TENM4: variants seen among roughly 807,000 people sequenced by gnomAD.
TENM4 encodes teneurin-4.
TENM4 carries 82 observed loss-of-function variants against 243.3 expected under a neutral mutation model. The observed-to-expected ratio is 0.34, with a 90% CI of 0.28 to 0.40. The LOEUF (loss-of-function observed/expected upper bound fraction) is 0.40. Among genes scored for constraint, TENM4 ranks in the 10% least tolerant of loss-of-function variants. TENM4 has a pLI of 1.00. For missense variants in TENM4, 3,138 were observed against 3,673.3 expected (o/e 0.85, Z 3.77); for synonymous variants, 1,412 against 1,456.3 (o/e 0.97, Z 0.69).
chr11:78,676,773 G>A (rs556916455), intron 29 of TENM4, among the ~76,000 whole-genome samples: 12 of 151,924 alleles, frequency 7.9e-5, no homozygotes, highest in African/African-American at 2.9e-4. Flanking sequence ...AATACTTTAA[G>A]TTATTTAACC....
chr11:78,666,066 G>A (rs530449793), intron 32 of TENM4, among the ~76,000 whole-genome samples: 87 of 151,602 alleles, frequency 5.7e-4, no homozygotes, highest in Non-Finnish European at 1.0e-3. Context: ...TTTTTTTGTT[G>A]TTGTTGCTGG....
At chr11:79,361,882 G>C (rs1857595555) in intron 1 of TENM4, among the ~76,000 whole-genome samples, 2 of 152,134 alleles carry the variant, frequency 1.3e-5, no homozygotes, top group East Asian at 3.9e-4. Flanking sequence ...GGACAATTTG[G>C]TTAGTCACGT....
At chr11:78,931,136 A>T (rs1291840536) in intron 6 of TENM4, among the ~76,000 whole-genome samples, 1 of 152,194 alleles carries the variant, frequency 6.6e-6, no homozygotes, top group Non-Finnish European at 1.5e-5. Flanking sequence ...TGAGCAGCCA[A>T]AAAGGTGCCA....
intron 2 of TENM4, among the ~76,000 whole-genome samples, chr11:79,257,293 T>TA (rs879355074): frequency 1.3e-5 from 2 of 151,744 alleles, no homozygotes; most frequent in African/African-American, 4.8e-5. Flanking sequence ...CTTAAAGAAT[T>TA]AAAAAAAAAT....
At chr11:79,003,902 A>C (rs1858402996) in intron 6 of TENM4, among the ~76,000 whole-genome samples, 1 of 152,030 alleles carries the variant, frequency 6.6e-6, no homozygotes. Context: ...CTCACATGCT[A>C]TGGCACCCAC....
intron 6 of TENM4, among the ~76,000 whole-genome samples, chr11:79,053,192 G>A (rs1591244042): frequency 2.0e-5 from 3 of 152,156 alleles, no homozygotes; most frequent in Admixed American, 1.3e-4. Context: ...TGGCAGAGGC[G>A]GGACTTGAGG....
chr11:79,315,404 G>A (rs532975601), intron 1 of TENM4, among the ~76,000 whole-genome samples: 75 of 152,326 alleles, frequency 4.9e-4, no homozygotes, highest in Non-Finnish European at 8.2e-4. Context: ...CCCCTGGAAA[G>A]TTCCTTTGCT....
chr11:78,836,576 C>T (rs1253873092), intron 12 of TENM4, among the ~76,000 whole-genome samples: 1 of 152,182 alleles, frequency 6.6e-6, no homozygotes, highest in African/African-American at 2.4e-5. Flanking sequence ...AACTCTGTTA[C>T]ACAGAAAATT....
At chr11:79,061,308 A>G (rs1860079450) in intron 6 of TENM4, among the ~76,000 whole-genome samples, 1 of 152,138 alleles carries the variant, frequency 6.6e-6, no homozygotes, top group South Asian at 2.1e-4. Context: ...TTGGGCACCT[A>G]TGGGGAGTCT....
chr11:79,295,896 AACAC>A (rs199711050), intron 2 of TENM4, among the ~76,000 whole-genome samples: 186 of 130,912 alleles, frequency 1.4e-3, no homozygotes, highest in South Asian at 6.3e-3. Flanking sequence ...CCAGGGATTA[AACAC>A]ACACACACAC....
chr11:79,272,835 T>A (rs1188962194), intron 2 of TENM4, among the ~76,000 whole-genome samples: 1 of 152,314 alleles, frequency 6.6e-6, no homozygotes, highest in East Asian at 1.9e-4. Flanking sequence ...TGTAATTGCT[T>A]GGGTTTCTTG....
At chr11:79,343,466 T>C (rs1247453660) in intron 1 of TENM4, among the ~76,000 whole-genome samples, 1 of 151,910 alleles carries the variant, frequency 6.6e-6, no homozygotes, top group Admixed American at 6.5e-5. Flanking sequence ...AAAATGGGTA[T>C]GACAAAAAAA....
chr11:78,788,293 G>A (rs1856981130), intron 15 of TENM4, among the ~76,000 whole-genome samples: 1 of 152,198 alleles, frequency 6.6e-6, no homozygotes, highest in Non-Finnish European at 1.5e-5. Context: ...CAAATAGTAC[G>A]AGTCCCCATG....
At chr11:78,664,733 A>G (rs549043418) in intron 32 of TENM4, among the ~76,000 whole-genome samples, 1 of 152,238 alleles carries the variant, frequency 6.6e-6, no homozygotes, top group Admixed American at 6.5e-5. Context: ...GTTCTTTGGG[A>G]AATTAAAACA....
At chr11:79,196,924 T>C (rs1306781231) in intron 3 of TENM4, among the ~76,000 whole-genome samples, 1 of 152,180 alleles carries the variant, frequency 6.6e-6, no homozygotes, top group Non-Finnish European at 1.5e-5. Context: ...GGAAACAAGC[T>C]GCCTCCCTCA....
At chr11:79,046,061 C>T (rs897353961) in intron 6 of TENM4, among the ~76,000 whole-genome samples, 2 of 152,234 alleles carry the variant, frequency 1.3e-5, no homozygotes, top group Admixed American at 6.5e-5. Flanking sequence ...CACACAGCCA[C>T]ATCTCCTGCT....
chr11:78,852,652 CGGCCCA>C (rs1334878587), intron 12 of TENM4, among the ~76,000 whole-genome samples: 1 of 152,092 alleles, frequency 6.6e-6, no homozygotes, highest in African/African-American at 2.4e-5. Flanking sequence ...CACTGCACTC[CGGCCCA>C]GGCAACAGAG....
At chr11:78,837,038 G>A (rs776600834) in intron 12 of TENM4, among the ~76,000 whole-genome samples, 14 of 152,122 alleles carry the variant, frequency 9.2e-5, no homozygotes, top group Non-Finnish European at 1.5e-4. Flanking sequence ...GGGGAGAGGA[G>A]GAAACTCTTA....
intron 4 of TENM4, among the ~76,000 whole-genome samples, chr11:79,079,848 AAGAAGAAAGAAAATGTGTTC>A: frequency 6.6e-6 from 1 of 151,470 alleles, no homozygotes; most frequent in African/African-American, 2.4e-5. Flanking sequence ...AAAAAAAAAA[AAGAAGAAAGAAAATGTGTTC>A]GGATTGAAAA....
Sources: allele counts gnomAD v4.1 joint callset (sites outside exome capture counted in the v4.1 genomes callset), GRCh38; gene constraint gnomAD v4.1.1; transcripts MANE v1.5; gene names NCBI Gene and HGNC (gene_info 2026-07-23, HGNC 2026-07-21).